Variants in CACNA2D1 observed in about 807,000 individuals in gnomAD.
The protein encoded by CACNA2D1 is voltage-dependent calcium channel subunit alpha-2/delta-1.
Under a neutral mutation model 171.5 loss-of-function variants are expected in CACNA2D1, and 53 were observed. That is an observed-to-expected ratio of 0.31 (90% CI 0.25 to 0.39). The LOEUF (loss-of-function observed/expected upper bound fraction) is 0.39. Among genes scored for constraint, CACNA2D1 ranks in the 10% least tolerant of loss-of-function variants. CACNA2D1 has a pLI of 1.00. For missense variants in CACNA2D1, 903 were observed against 1,299.8 expected, an observed-to-expected ratio of 0.69 and a Z score of 4.69; for synonymous variants, 442 against 443.1, an observed-to-expected ratio of 1.00 and a Z score of 0.03.
chr7:82,204,817 G>C (rs1254650305), intron 3 of CACNA2D1, among the ~76,000 whole-genome samples: 1 of 152,146 alleles, frequency 6.6e-6, no homozygotes, highest in East Asian at 1.9e-4. Flanking sequence ...CCTTGGCCTA[G>C]GGGGTGGAGT....
intron 3 of CACNA2D1, among the ~76,000 whole-genome samples, chr7:82,277,421 C>T (rs921614806): frequency 3.3e-5 from 5 of 152,244 alleles, no homozygotes; most frequent in East Asian, 3.9e-4. Context: ...AGACTGGTCT[C>T]GAACTCCTGA....
At chr7:82,075,617 TAAAAC>T (rs1808869638) in intron 7 of CACNA2D1, among the ~76,000 whole-genome samples, 1 of 152,156 alleles carries the variant, frequency 6.6e-6, no homozygotes. Flanking sequence ...GCTAAAAACA[TAAAAC>T]AAACTATGAT....
chr7:82,033,342 CT>C (rs1183745695), intron 11 of CACNA2D1, among the ~76,000 whole-genome samples: 3 of 151,882 alleles, frequency 2.0e-5, no homozygotes, highest in Non-Finnish European at 4.4e-5. Flanking sequence ...TTCTTTGTCC[CT>C]CCATAGAAGA....
rs149716939 is a variant in CACNA2D1 at position 82,232,118 on chromosome 7, T to C, written c.295-61509A>G. Among the ~76,000 whole-genome samples the C allele has an allele frequency of 8.0e-3, 1,224 of 152,318 alleles. 10 individuals carry two copies. Among genetic ancestry groups the C allele is most frequent in the Non-Finnish European group, 0.013 (912 of 68,020 alleles). ...GAGAATAAATACTCAGCAATAGGAA[T>C]ACGAGCCAAAGAGTATGTGTATATT... On this transcript the variant is annotated intron_variant, in intron 3 of 38. Transcript: ENST00000356860.
At position 81,975,993 on chromosome 7, in the gene CACNA2D1, T is replaced by TA. The variant is rs35393698; in HGVS notation, c.1956-1442dup. On this transcript the variant is annotated intron_variant, in intron 24 of 38. Transcript: ENST00000356860. ...TTTGTTCTTTCAAGTAATGTTACATTAAAAAAAAAAAAGCAGAAAGCACCT... is the reference window on the plus strand; with the variant it reads ...TTTGTTCTTTCAAGTAATGTTACATTAAAAAAAAAAAAAGCAGAAAGCACCT... 7.7e-4 allele frequency among the ~76,000 whole-genome samples: 114 copies of TA among 148,722 alleles called. 2 individuals carry two copies. Among genetic ancestry groups the TA allele is most frequent in the African/African-American group, 2.0e-3 (80 of 40,664 alleles).
At chr7:82,294,008 C>A (rs1012006915) in intron 3 of CACNA2D1, among the ~76,000 whole-genome samples, 1 of 152,108 alleles carries the variant, frequency 6.6e-6, no homozygotes, top group African/African-American at 2.4e-5. Context: ...TTATCTGACA[C>A]TATCTTCTCT....
chr7:82,360,983 A>G (rs1328565794), intron 1 of CACNA2D1, among the ~76,000 whole-genome samples: 1 of 152,224 alleles, frequency 6.6e-6, no homozygotes, highest in Admixed American at 6.5e-5. Flanking sequence ...TTTTTTTAAC[A>G]TTAAGTAAAT....
chr7:82,329,175 G>A (rs1191212730), intron 3 of CACNA2D1, among the ~76,000 whole-genome samples: 1 of 151,934 alleles, frequency 6.6e-6, no homozygotes. Flanking sequence ...GCACTTCCAG[G>A]AAAACAAAAA....
At chr7:82,335,699 C>T (rs1817914823) in intron 2 of CACNA2D1, among the ~76,000 whole-genome samples, 1 of 152,052 alleles carries the variant, frequency 6.6e-6, no homozygotes, top group Non-Finnish European at 1.5e-5. Context: ...AGAGAGAATA[C>T]ATATAAAGCC....
At chr7:82,019,939 T>C (rs1310699053) in intron 12 of CACNA2D1, among the ~76,000 whole-genome samples, 1 of 152,198 alleles carries the variant, frequency 6.6e-6, no homozygotes, top group African/African-American at 2.4e-5. Flanking sequence ...ATGAAAATAC[T>C]AGATTGGATG....
intron 24 of CACNA2D1, among the ~76,000 whole-genome samples, chr7:81,976,529 A>G (rs1795860611): frequency 6.6e-6 from 1 of 152,194 alleles, no homozygotes; most frequent in Non-Finnish European, 1.5e-5. Flanking sequence ...GAGTTCACTC[A>G]TGATTTGGCT....
intron 3 of CACNA2D1, among the ~76,000 whole-genome samples, chr7:82,254,192 T>C (rs942170399): frequency 3.9e-5 from 6 of 152,074 alleles, no homozygotes; most frequent in Admixed American, 3.3e-4. Flanking sequence ...CAAAAATAAA[T>C]ATAAAACAAA....
At chr7:82,045,998 T>C (rs962751236) in intron 10 of CACNA2D1, among the ~76,000 whole-genome samples, 4 of 152,174 alleles carry the variant, frequency 2.6e-5, no homozygotes, top group Admixed American at 1.3e-4. Context: ...TCATGTGATA[T>C]TCTTCACAAC....
chr7:82,012,929 T>A, intron 14 of CACNA2D1, among the ~76,000 whole-genome samples: 1 of 152,108 alleles, frequency 6.6e-6, no homozygotes, highest in East Asian at 1.9e-4. Flanking sequence ...AATTACTACA[T>A]TCTACAAAAA....
intron 38 of CACNA2D1, among the ~76,000 whole-genome samples, chr7:81,957,912 AATTTAAT>A (rs1793616371): frequency 6.6e-6 from 1 of 152,026 alleles, no homozygotes; most frequent in South Asian, 2.1e-4. Context: ...AGTTCATCTG[AATTTAAT>A]ATTTCTAGTG....
intron 3 of CACNA2D1, among the ~76,000 whole-genome samples, chr7:82,239,466 A>G (rs2129292132): frequency 6.6e-6 from 1 of 152,276 alleles, no homozygotes; most frequent in East Asian, 1.9e-4. Flanking sequence ...ACATTTCCTT[A>G]AAGTTTCTCA....
chr7:82,191,428 C>G (rs1213741911), intron 3 of CACNA2D1, among the ~76,000 whole-genome samples: 1 of 151,732 alleles, frequency 6.6e-6, no homozygotes, highest in Non-Finnish European at 1.5e-5. Context: ...CTGAATTTAT[C>G]GAGCTGCTTT....
At chr7:82,189,703 T>C (rs1798104570) in intron 3 of CACNA2D1, among the ~76,000 whole-genome samples, 1 of 151,720 alleles carries the variant, frequency 6.6e-6, no homozygotes, top group Admixed American at 6.6e-5. Context: ...TGGAAGAGTA[T>C]AAAAGAGCTT....
intron 3 of CACNA2D1, among the ~76,000 whole-genome samples, chr7:82,255,296 C>T (rs954810325): frequency 2.6e-5 from 4 of 152,254 alleles, no homozygotes; most frequent in Non-Finnish European, 4.4e-5. Flanking sequence ...CTGTGTTTTT[C>T]CCAATGTGAG....
Sources: allele counts gnomAD v4.1 joint callset (sites outside exome capture counted in the v4.1 genomes callset), GRCh38; gene constraint gnomAD v4.1.1; transcripts MANE v1.5; gene names NCBI Gene and HGNC (gene_info 2026-07-23, HGNC 2026-07-21).